CNTNAP2: variants seen among roughly 807,000 people sequenced by gnomAD.
The protein encoded by CNTNAP2 is contactin-associated protein-like 2.
Under a neutral mutation model 155.2 loss-of-function variants are expected in CNTNAP2, and 98 were observed. The observed-to-expected ratio is 0.63, with a 90% CI of 0.54 to 0.75. CNTNAP2 has a LOEUF of 0.75. CNTNAP2 is among the 30% of genes least tolerant of loss of function. CNTNAP2 has a pLI of 0.00. For missense variants in CNTNAP2, 1,727 were observed against 1,688.1 expected (o/e 1.02, Z -0.40); for synonymous variants, 651 against 631.2 (o/e 1.03, Z -0.47).
chr7:146,934,414 G>A (rs1796864177), intron 3 of CNTNAP2, among the ~76,000 whole-genome samples: 1 of 143,048 alleles, frequency 7.0e-6, no homozygotes, highest in Admixed American at 7.3e-5. Flanking sequence ...ACACAGGAAG[G>A]GGACCATCAC....
chr7:146,146,549 CT>C (rs1797960979), intron 1 of CNTNAP2, among the ~76,000 whole-genome samples: 1 of 152,154 alleles, frequency 6.6e-6, no homozygotes, highest in African/African-American at 2.4e-5. Context: ...GATTTGTTCT[CT>C]TTAATGGATG....
chr7:148,082,049 G>A (rs1218820618), intron 15 of CNTNAP2, among the ~76,000 whole-genome samples: 1 of 152,054 alleles, frequency 6.6e-6, no homozygotes, highest in African/African-American at 2.4e-5. Context: ...TGGGCTCAAG[G>A]GATTCTCCTG....
chr7:148,210,790 G>A (rs1283042884), intron 18 of CNTNAP2, among the ~76,000 whole-genome samples: 1 of 152,228 alleles, frequency 6.6e-6, no homozygotes, highest in East Asian at 1.9e-4. Context: ...CAGGTCCAAT[G>A]TTGTTAGTCC....
intron 3 of CNTNAP2, among the ~76,000 whole-genome samples, chr7:146,962,536 T>C (rs926914465): frequency 6.6e-6 from 1 of 152,102 alleles, no homozygotes; most frequent in Non-Finnish European, 1.5e-5. Flanking sequence ...TTAGTTAACA[T>C]AGTTTTTTTG....
At chr7:147,918,907 T>C (rs548428599) in intron 14 of CNTNAP2, among the ~76,000 whole-genome samples, 162 of 152,310 alleles carry the variant, frequency 1.1e-3, no homozygotes, top group African/African-American at 3.8e-3. Context: ...CTACTTCATG[T>C]GGCAGAAGGG....
chr7:146,157,544 C>T lies in CNTNAP2; in HGVS notation c.97+40571C>T, dbSNP rs936714762. Among the ~76,000 whole-genome samples the T allele has an allele frequency of 1.5e-4, 23 of 152,222 alleles. No individual in the cohort carries two copies. In the East Asian group the frequency reaches 1.9e-3, roughly 13 times the overall value. On this transcript the variant is annotated intron_variant, in intron 1 of 23. Coordinates refer to ENST00000361727, the MANE Select transcript of CNTNAP2 (RefSeq NM_014141.6). ...CTGGGACACTCCCACTCTAATACAG[C>T]GCTTTTCCAATGGCCTTAGGAAATG...
At chr7:147,552,369 A>G (rs1799867891) in intron 11 of CNTNAP2, among the ~76,000 whole-genome samples, 1 of 152,212 alleles carries the variant, frequency 6.6e-6, no homozygotes, top group South Asian at 2.1e-4. Flanking sequence ...AAATTACAGT[A>G]AAACATTTTA....
At chr7:147,786,097 C>G (rs1797734368) in intron 13 of CNTNAP2, among the ~76,000 whole-genome samples, 1 of 152,040 alleles carries the variant, frequency 6.6e-6, no homozygotes, top group Non-Finnish European at 1.5e-5. Flanking sequence ...CGAGACCATC[C>G]TGGCCAACAT....
intron 19 of CNTNAP2, among the ~76,000 whole-genome samples, chr7:148,217,936 C>T (rs1434209603): frequency 6.6e-6 from 1 of 152,166 alleles, no homozygotes; most frequent in Non-Finnish European, 1.5e-5. Context: ...ACCAGCCTGG[C>T]CAATATGGCG....
At chr7:147,922,529 G>A (rs7791949) in intron 14 of CNTNAP2, among the ~76,000 whole-genome samples, 42,519 of 152,104 alleles carry the variant, frequency 0.28, 6,340 homozygotes, top group East Asian at 0.52. Context: ...TATAGGGCAT[G>A]TGGTAACATG....
intron 10 of CNTNAP2, among the ~76,000 whole-genome samples, chr7:147,469,964 T>C (rs1381394720): frequency 6.6e-6 from 1 of 152,128 alleles, no homozygotes; most frequent in African/African-American, 2.4e-5. Flanking sequence ...AAAGATCCCA[T>C]GGCCAGCTAC....
At chr7:148,373,329 G>A (rs903483204) in intron 21 of CNTNAP2, among the ~76,000 whole-genome samples, 2 of 151,936 alleles carry the variant, frequency 1.3e-5, no homozygotes, top group Non-Finnish European at 2.9e-5. Flanking sequence ...GGTGGCGGGT[G>A]CCTATAATCC....
chr7:146,199,144 T>C (rs1487416662), intron 1 of CNTNAP2, among the ~76,000 whole-genome samples: 1 of 152,100 alleles, frequency 6.6e-6, no homozygotes, highest in Non-Finnish European at 1.5e-5. Flanking sequence ...TAATTCTCCC[T>C]TTAAAACATG....
At chr7:147,981,484 A>G (rs538133978) in intron 15 of CNTNAP2, among the ~76,000 whole-genome samples, 8 of 152,370 alleles carry the variant, frequency 5.3e-5, no homozygotes, top group African/African-American at 1.9e-4. Flanking sequence ...TATAAAGACT[A>G]AACCTATTGT....
intron 8 of CNTNAP2, among the ~76,000 whole-genome samples, chr7:147,195,962 G>A (rs1237955201): frequency 6.6e-6 from 1 of 152,088 alleles, no homozygotes; most frequent in Non-Finnish European, 1.5e-5. Context: ...GTGAGAGATA[G>A]ATTCTTTAAA....
chr7:147,862,098 T>C (rs186930267), intron 13 of CNTNAP2, among the ~76,000 whole-genome samples: 198 of 151,432 alleles, frequency 1.3e-3, no homozygotes, highest in Middle Eastern at 6.9e-3. Context: ...TAATCACCGA[T>C]GAAACAGTAT....
chr7:147,107,838 T>C (rs1800797755), intron 4 of CNTNAP2, among the ~76,000 whole-genome samples: 1 of 152,130 alleles, frequency 6.6e-6, no homozygotes, highest in Admixed American at 6.6e-5. Context: ...ACGATTTTGG[T>C]CTAAACTCTA....
intron 13 of CNTNAP2, among the ~76,000 whole-genome samples, chr7:147,656,761 G>GA (rs1295797541): frequency 6.7e-6 from 1 of 150,286 alleles, no homozygotes; most frequent in African/African-American, 2.4e-5. Flanking sequence ...GCATGCCATT[G>GA]AAAAAACAAA....
intron 9 of CNTNAP2, among the ~76,000 whole-genome samples, chr7:147,372,753 T>C (rs950251013): frequency 3.3e-5 from 5 of 152,022 alleles, no homozygotes; most frequent in African/African-American, 1.2e-4. Flanking sequence ...TGTCATCAAG[T>C]GAGAGAGCCT....
Sources: gnomAD v4.1 joint callset for allele counts (sites outside exome capture counted in the v4.1 genomes callset) on GRCh38, gnomAD v4.1.1 for gene constraint, MANE v1.5 for transcripts, NCBI Gene and HGNC (gene_info 2026-07-23, HGNC 2026-07-21) for gene names.